Variants in PLD5 observed in about 807,000 individuals in gnomAD.
PLD5 encodes inactive phospholipase D5.
Under a neutral mutation model 61.1 loss-of-function variants are expected in PLD5, and 36 were observed. The ratio of observed to expected loss-of-function variants is 0.59; its 90% confidence interval spans 0.45 to 0.78. PLD5 has a LOEUF of 0.78. Among genes scored for constraint, PLD5 ranks in the 30% least tolerant of loss-of-function variants. The pLI, the probability that PLD5 is intolerant of heterozygous loss-of-function variation, is 0.00. For missense variants in PLD5, 515 were observed against 644.4 expected, an observed-to-expected ratio of 0.80 and a Z score of 2.17; for synonymous variants, 243 against 242.8, an observed-to-expected ratio of 1.00 and a Z score of -0.01.
At chr1:242,494,878 C>CTTTTTTTTTTTTTTTTTTTT (rs556893161) in intron 1 of PLD5, among the ~76,000 whole-genome samples, 16 of 135,884 alleles carry the variant, frequency 1.2e-4, no homozygotes, top group African/African-American at 2.0e-4. Context: ...TTTTTCTTTT[C>CTTTTTTTTTTTTTTTTTTTT]TGTTTTTTTT....
intron 1 of PLD5, among the ~76,000 whole-genome samples, chr1:242,496,261 A>G (rs1029398786): frequency 6.6e-6 from 1 of 152,170 alleles, no homozygotes; most frequent in African/African-American, 2.4e-5. Context: ...GGGAAAAAAA[A>G]CCTGTCTTGC....
chr1:242,354,305 C>T (rs1376375954), intron 1 of PLD5, among the ~76,000 whole-genome samples: 1 of 152,140 alleles, frequency 6.6e-6, no homozygotes, highest in Admixed American at 6.6e-5. Flanking sequence ...AAATAATCCA[C>T]CCTGAATTTG....
chr1:242,516,544 T>G (rs1230376807), intron 1 of PLD5, among the ~76,000 whole-genome samples: 1 of 152,192 alleles, frequency 6.6e-6, no homozygotes, highest in East Asian at 1.9e-4. Flanking sequence ...TATTTTAATG[T>G]GGATATGCAA....
At chr1:242,271,225 G>C (rs1329541670) in intron 3 of PLD5, among the ~76,000 whole-genome samples, 51 of 144,788 alleles carry the variant, frequency 3.5e-4, no homozygotes, top group African/African-American at 6.4e-4. Context: ...GAGAGAGAGA[G>C]AGAGAGAGAG....
At chr1:242,197,672 T>TC (rs1050653349) in intron 5 of PLD5, among the ~76,000 whole-genome samples, 53 of 150,588 alleles carry the variant, frequency 3.5e-4, no homozygotes, top group Admixed American at 6.6e-5. Flanking sequence ...CCTTGCTCTG[T>TC]CCCCCAGGCT....
Position 242,376,367 on chromosome 1 carries a change from T to C in PLD5, c.190-28125A>G, listed in dbSNP as rs182862989. Among the ~76,000 whole-genome samples the C allele has an allele frequency of 6.6e-5, 10 of 152,286 alleles. No homozygotes were observed. The East Asian group carries it at 9.7e-4, about 15-fold the overall frequency. ...ACGCCCACACTGGAGTGCAGTTGTC[T>C]CAAATGTGAACTCACTTCCTGAGGG... On this transcript the variant is annotated intron_variant, in intron 1 of 9. Transcript: ENST00000536534.
In PLD5 at chr1:242,088,873, C is replaced by G. The variant is rs1482796097; in HGVS notation, c.*981G>C. The G allele has an allele frequency of 1.3e-5, 2 of 154,424 alleles. No homozygotes were observed. The highest frequency in any genetic ancestry group is 1.3e-4 in the Admixed American group (2 of 15,320). 9.6% of individuals were successfully genotyped at this position (154,424 alleles called of 1,614,324 possible). A position where few individuals can be genotyped will look rare whatever the true frequency, so the allele number is the denominator to read the frequency against. ...TATTAAATAGCTCTAGAAACGTTTG[C>G]TGGCATACTCTTAACAGCATAATGA... On this transcript the variant is annotated 3_prime_UTR_variant, in exon 10 of 10. Coordinates refer to ENST00000536534, the MANE Select transcript of PLD5 (RefSeq NM_001372062.1).
chr1:242,188,886 A>G (rs1255907459), intron 5 of PLD5: 3 of 152,184 alleles, frequency 2.0e-5, no homozygotes, highest in Admixed American at 2.0e-4. Flanking sequence ...AACTAACTAC[A>G]CTTTTGCGAC....
intron 5 of PLD5, among the ~76,000 whole-genome samples, chr1:242,199,620 C>T (rs1251565198): frequency 6.6e-6 from 1 of 152,100 alleles, no homozygotes; most frequent in Non-Finnish European, 1.5e-5. Context: ...TTCAGTGTAT[C>T]CACTGAAGGA....
At chr1:242,416,392 T>C (rs1664837024) in intron 1 of PLD5, among the ~76,000 whole-genome samples, 1 of 152,108 alleles carries the variant, frequency 6.6e-6, no homozygotes, top group African/African-American at 2.4e-5. Context: ...ACCACTAGTG[T>C]AGGAAGTATA....
At chr1:242,395,167 A>G (rs78650084) in intron 1 of PLD5, among the ~76,000 whole-genome samples, 2 of 149,504 alleles carry the variant, frequency 1.3e-5, no homozygotes, top group Non-Finnish European at 3.0e-5. Flanking sequence ...TAAAATTTTT[A>G]AAAATGTACT....
intron 3 of PLD5, among the ~76,000 whole-genome samples, chr1:242,280,052 T>C (rs1000319938): frequency 6.6e-6 from 1 of 151,738 alleles, no homozygotes; most frequent in East Asian, 2.0e-4. Flanking sequence ...AAAAGCTCCA[T>C]TCTTTATTGT....
At chr1:242,097,319 C>T (rs555807476) in intron 9 of PLD5, among the ~76,000 whole-genome samples, 47 of 152,240 alleles carry the variant, frequency 3.1e-4, no homozygotes, top group Admixed American at 8.5e-4. Flanking sequence ...CTTGAGGAAT[C>T]GCCACACTGA....
At chr1:242,107,947 G>C in intron 7 of PLD5, 108 bp from the exon 8 acceptor site, 1 of 1,081,868 alleles carries the variant, frequency 9.2e-7, no homozygotes, top group Non-Finnish European at 1.3e-6. Context: ...ACTTTATCCT[G>C]TAATATATAT....
intron 4 of PLD5, among the ~76,000 whole-genome samples, chr1:242,234,773 C>T (rs1671528878): frequency 6.6e-6 from 1 of 152,010 alleles, no homozygotes; most frequent in South Asian, 2.1e-4. Flanking sequence ...GTCCCTGATT[C>T]TGCCAATAAG....
intron 1 of PLD5, among the ~76,000 whole-genome samples, chr1:242,416,815 T>C (rs937066069): frequency 5.3e-5 from 8 of 152,250 alleles, no homozygotes; most frequent in Non-Finnish European, 1.0e-4. Flanking sequence ...GTGAACAGTT[T>C]GCTCTTGATG....
chr1:242,305,734 G>T (rs1344789319), intron 2 of PLD5, among the ~76,000 whole-genome samples: 1 of 152,082 alleles, frequency 6.6e-6, no homozygotes, highest in Non-Finnish European at 1.5e-5. Flanking sequence ...GCTAATATTT[G>T]TATTTTTAGT....
intron 2 of PLD5, among the ~76,000 whole-genome samples, chr1:242,323,989 G>A (rs2149191552): frequency 6.6e-6 from 1 of 152,102 alleles, no homozygotes; most frequent in South Asian, 2.1e-4. Flanking sequence ...GAGAGAGTAA[G>A]TACATCCCTG....
chr1:242,300,958 C>G (rs867096419), intron 2 of PLD5, among the ~76,000 whole-genome samples: 5 of 152,302 alleles, frequency 3.3e-5, no homozygotes, highest in Admixed American at 6.5e-5. Flanking sequence ...TGCCGTCTTC[C>G]AGGTTCAAGG....
Sources: gnomAD v4.1 joint callset for allele counts (sites outside exome capture counted in the v4.1 genomes callset) on GRCh38, gnomAD v4.1.1 for gene constraint, MANE v1.5 for transcripts, NCBI Gene and HGNC (gene_info 2026-07-23, HGNC 2026-07-21) for gene names.